TESK2: variants seen among roughly 807,000 people sequenced by gnomAD.
TESK2 encodes the protein dual specificity testis-specific protein kinase 2.
TESK2 carries 39 observed loss-of-function variants against 57.1 expected under a neutral mutation model. The ratio of observed to expected loss-of-function variants is 0.68; its 90% CI spans 0.53 to 0.89. The LOEUF (loss-of-function observed/expected upper bound fraction) is 0.89. TESK2 is among the 40% of genes least tolerant of loss of function. TESK2 has a pLI of 0.00. For synonymous variants in TESK2, 249 were observed against 267.9 expected (o/e 0.93, Z 0.69); for missense variants, 646 against 732.1 (o/e 0.88, Z 1.36).
intron 1 of TESK2, among the ~76,000 whole-genome samples, chr1:45,480,698 A>AAT (rs905452534): frequency 2.3e-4 from 34 of 151,106 alleles, no homozygotes; most frequent in Admixed American, 5.9e-4. Context: ...ATAAATAAAT[A>AAT]ATATATATAT....
intron 4 of TESK2, among the ~76,000 whole-genome samples, chr1:45,379,805 C>T (rs965275417): frequency 1.3e-5 from 2 of 152,200 alleles, no homozygotes; most frequent in Non-Finnish European, 2.9e-5. Context: ...CGAATCACCT[C>T]GACTAGGCCA....
chr1:45,430,791 T>A (rs1360818892), intron 2 of TESK2, among the ~76,000 whole-genome samples: 1 of 152,128 alleles, frequency 6.6e-6, no homozygotes, highest in Non-Finnish European at 1.5e-5. Context: ...CCCCCAAGAA[T>A]ATGGCTGGAC....
chr1:45,468,381 C>T (rs1652639182), intron 1 of TESK2, among the ~76,000 whole-genome samples: 3 of 152,090 alleles, frequency 2.0e-5, no homozygotes, highest in African/African-American at 7.2e-5. Context: ...CTTCTGCTCC[C>T]TTGGCGAGCA....
At chr1:45,436,176 A>ATTTTTTTTTTTT (rs1651205420) in intron 2 of TESK2, among the ~76,000 whole-genome samples, 1 of 55,570 alleles carries the variant, frequency 1.8e-5, no homozygotes, top group Non-Finnish European at 3.3e-5. Context: ...TGACATTGGT[A>ATTTTTTTTTTTT]TCTTCTTTTT....
intron 5 of TESK2, among the ~76,000 whole-genome samples, chr1:45,354,815 A>AATATATATATATAT (rs199613712): frequency 2.0e-4 from 8 of 40,690 alleles, no homozygotes; most frequent in African/African-American, 9.8e-4. Context: ...AAAAAAAAAA[A>AATATATATATATAT]ATATATATAT....
chr1:45,384,596 T>TA (rs1171452512), intron 4 of TESK2, among the ~76,000 whole-genome samples: 17 of 78,922 alleles, frequency 2.2e-4, no homozygotes, highest in South Asian at 9.0e-4. Flanking sequence ...ATTATTAATT[T>TA]TTTTTTTTTT....
At chr1:45,434,770 C>A (rs1171783749) in intron 2 of TESK2, among the ~76,000 whole-genome samples, 1 of 151,774 alleles carries the variant, frequency 6.6e-6, no homozygotes, top group Non-Finnish European at 1.5e-5. Flanking sequence ...AAATAGTTTA[C>A]GAGTATTTCC....
intron 3 of TESK2, among the ~76,000 whole-genome samples, chr1:45,390,450 C>T (rs957433815): frequency 3.3e-5 from 5 of 151,240 alleles, no homozygotes; most frequent in African/African-American, 1.2e-4. Flanking sequence ...GGCAACAGAG[C>T]GAGACTCTGT....
chr1:45,456,189 C>T (rs1242259456), intron 2 of TESK2, among the ~76,000 whole-genome samples: 1 of 148,676 alleles, frequency 6.7e-6, no homozygotes, highest in South Asian at 2.2e-4. Context: ...GAGCGAAACC[C>T]TGTCTCAAAA....
intron 3 of TESK2, among the ~76,000 whole-genome samples, chr1:45,400,746 G>T (rs991846924): frequency 6.6e-6 from 1 of 152,132 alleles, no homozygotes; most frequent in Non-Finnish European, 1.5e-5. Context: ...GAAGAGCCAG[G>T]CATGGTGGCT....
chr1:45,474,337 A>AT (rs1221141488), intron 1 of TESK2, among the ~76,000 whole-genome samples: 5 of 151,552 alleles, frequency 3.3e-5, no homozygotes, highest in African/African-American at 7.3e-5. Flanking sequence ...TCAAAAAAAA[A>AT]TTTTCTGGGC....
chr1:45,409,311 A>G lies in TESK2; in HGVS notation c.344+12414T>C, dbSNP rs79394375. Among the ~76,000 whole-genome samples the G allele has an allele frequency of 3.4e-3, 525 of 152,348 alleles. 7 individuals carry two copies. The highest frequency in any genetic ancestry group is 0.031 in the East Asian group (161 of 5,192). Reference sequence around the variant, plus strand: ...TTGAAGAGGGGCTATCTCAGCAGAAATATATCATATGATTCTGGAATAAAG... The same window carrying G: ...TTGAAGAGGGGCTATCTCAGCAGAAGTATATCATATGATTCTGGAATAAAG... On this transcript the variant is annotated intron_variant, in intron 3 of 10. Coordinates refer to ENST00000372086, the MANE Select transcript of TESK2 (RefSeq NM_007170.3).
At chr1:45,469,703 C>A (rs1652691618) in intron 1 of TESK2, among the ~76,000 whole-genome samples, 1 of 152,184 alleles carries the variant, frequency 6.6e-6, no homozygotes, top group African/African-American at 2.4e-5. Flanking sequence ...TTCCTTCAGT[C>A]ATTCAATCAC....
rs536887686 is a variant in TESK2 at position 45,484,756 on chromosome 1, G to A, written c.-87+6096C>T. ...TCAAAAATAAAAAATAAAGGGCCGG[G>A]CGCGGTGGCCCAAGTCTGTAATCCC... On this transcript the variant is annotated intron_variant, in intron 1 of 10. Transcript: ENST00000372086. Among the ~76,000 whole-genome samples, 6 of 135,076 alleles carry A rather than the reference G, an allele frequency of 4.4e-5. No homozygotes were observed. The South Asian group carries it at 1.4e-3, about 32-fold the overall frequency. 88.6% of individuals were successfully genotyped at this position (135,076 alleles called of 152,430 possible).
intron 3 of TESK2, among the ~76,000 whole-genome samples, chr1:45,403,417 C>T (rs1649713308): frequency 6.6e-6 from 1 of 152,000 alleles, no homozygotes; most frequent in African/African-American, 2.4e-5. Flanking sequence ...ACTGGTTGTG[C>T]TAGGTCTTAG....
chr1:45,347,554 CA>C (rs201427240), intron 7 of TESK2, 54 bp downstream of exon 7: 24 of 1,533,974 alleles, frequency 1.6e-5, no homozygotes, highest in Admixed American at 1.8e-5. Context: ...GAGACCATCT[CA>C]AAAAAAAGAA....
chr1:45,449,429 A>G (rs181637079), intron 2 of TESK2, among the ~76,000 whole-genome samples: 2 of 152,248 alleles, frequency 1.3e-5, no homozygotes, highest in Admixed American at 1.3e-4. Flanking sequence ...ATAATTGTCA[A>G]CATATTGAAG....
At chr1:45,439,956 C>A (rs1016204641) in intron 2 of TESK2, among the ~76,000 whole-genome samples, 9 of 151,004 alleles carry the variant, frequency 6.0e-5, no homozygotes, top group African/African-American at 1.7e-4. Context: ...AGCGCCCCCC[C>A]ACTGCCACTT....
At chr1:45,358,053 C>T (rs1647517715) in intron 4 of TESK2, among the ~76,000 whole-genome samples, 1 of 147,576 alleles carries the variant, frequency 6.8e-6, no homozygotes. Flanking sequence ...ATGGCTCACA[C>T]CTGTAATCCC....
Sources: allele counts gnomAD v4.1 joint callset (sites outside exome capture counted in the v4.1 genomes callset), GRCh38; gene constraint gnomAD v4.1.1; transcripts MANE v1.5; gene names NCBI Gene and HGNC (gene_info 2026-07-23, HGNC 2026-07-21).